PTPN11: variants seen among roughly 807,000 people sequenced by gnomAD.
The protein encoded by PTPN11 is tyrosine-protein phosphatase non-receptor type 11.
A neutral mutation model predicts 78.8 loss-of-function variants in PTPN11; 6 were observed. The observed-to-expected ratio is 0.08, with a 90% CI of 0.04 to 0.15. The LOEUF is 0.15. Among genes scored for constraint, PTPN11 ranks in the 10% least tolerant of loss-of-function variants. The probability of loss-of-function intolerance (pLI) is 1.00; values close to 1 mark genes in which losing one functional copy is unlikely to be tolerated. For missense variants in PTPN11, 386 were observed against 744.8 expected (o/e 0.52, Z 5.61); for synonymous variants, 221 against 263.5 (o/e 0.84, Z 1.56).
chr12:112,487,115 T>TTC (rs371088967), intron 11 of PTPN11, among the ~76,000 whole-genome samples: 107 of 150,692 alleles, frequency 7.1e-4, no homozygotes, highest in South Asian at 2.3e-3. Flanking sequence ...TGTGATTCTG[T>TTC]TCTCTCTCTC....
chr12:112,478,860 G>A (rs2038551705), intron 9 of PTPN11, among the ~76,000 whole-genome samples: 1 of 152,156 alleles, frequency 6.6e-6, no homozygotes, highest in Non-Finnish European at 1.5e-5. Flanking sequence ...AGCCTCCCAA[G>A]TAGCTGGGAC....
intron 6 of PTPN11, among the ~76,000 whole-genome samples, chr12:112,468,609 C>T (rs1045240165): frequency 3.3e-5 from 5 of 152,158 alleles, no homozygotes; most frequent in African/African-American, 4.8e-5. Context: ...CAATCTGTGA[C>T]AACTGTCAGC....
intron 6 of PTPN11, among the ~76,000 whole-genome samples, chr12:112,456,967 T>C (rs2038171533): frequency 1.3e-5 from 2 of 152,144 alleles, no homozygotes. Context: ...AGTTCTGGGA[T>C]ATATGTGCAG....
intron 1 of PTPN11, among the ~76,000 whole-genome samples, chr12:112,427,801 G>A (rs1043836106): frequency 6.6e-6 from 1 of 151,736 alleles, no homozygotes; most frequent in Non-Finnish European, 1.5e-5. Context: ...ACCCACACTG[G>A]ATTGCAGTGA....
In PTPN11 at chr12:112,506,925, T is replaced by G. The variant is rs1354947874; in HGVS notation, c.*1133T>G. 1.4e-5 allele frequency: 3 copies of G among 215,284 alleles called. No homozygotes were observed. Among genetic ancestry groups the G allele is most frequent in the African/African-American group, 7.0e-5 (3 of 42,856 alleles). The allele number at this position is 215,284 out of a possible 1,614,324, so 13.3% of individuals were successfully genotyped here. On this transcript the variant is annotated 3_prime_UTR_variant, in exon 16 of 16. Transcript: ENST00000351677. ...AAACTTAAGTCCAGAATTGTCACAG[T>G]GTCCCTTCTACTTCCCTCTATTGAT...
intron 2 of PTPN11, among the ~76,000 whole-genome samples, chr12:112,447,502 C>T (rs1026040370): frequency 6.6e-6 from 1 of 151,548 alleles, no homozygotes; most frequent in Middle Eastern, 3.2e-3. Context: ...TGATAACGAT[C>T]TATTTTTTTT....
At chr12:112,444,754 G>A (rs2037964394) in intron 1 of PTPN11, among the ~76,000 whole-genome samples, 1 of 152,096 alleles carries the variant, frequency 6.6e-6, no homozygotes, top group African/African-American at 2.4e-5. Flanking sequence ...TGTTTATTTT[G>A]AGGTACAAAT....
intron 1 of PTPN11, among the ~76,000 whole-genome samples, chr12:112,433,715 C>T (rs2037748237): frequency 6.6e-6 from 1 of 152,152 alleles, no homozygotes; most frequent in African/African-American, 2.4e-5. Flanking sequence ...CTTTGGGTGG[C>T]CAAAGAAGGA....
chr12:112,419,455 G>A (rs1436833691), intron 1 of PTPN11, among the ~76,000 whole-genome samples: 2 of 152,214 alleles, frequency 1.3e-5, no homozygotes, highest in Non-Finnish European at 2.9e-5. Flanking sequence ...CTGACCCATT[G>A]CCTCATGAGA....
rs1464685548 is a variant in PTPN11 at position 112,509,005 on chromosome 12, T to C, written c.*3213T>C. 6.6e-6 allele frequency: 1 copy of C among 152,210 alleles called. No individual in the cohort carries two copies. The highest frequency in any genetic ancestry group is 1.5e-5 in the Non-Finnish European group (1 of 68,042). The allele number at this position is 152,210 out of a possible 1,614,324, so 9.4% of individuals were successfully genotyped here. A position where few individuals can be genotyped will look rare whatever the true frequency, so the allele number is the denominator to read the frequency against. ...CAGGGGGATGTGGAAAGGTTTGCAA[T>C]TGTCAAGTGTTTTGTTGTAGCTTAG... On this transcript the variant is annotated 3_prime_UTR_variant, in exon 16 of 16. Transcript: ENST00000351677.
chr12:112,482,317 G>C lies in PTPN11; in HGVS notation c.1224+112G>C. Reference sequence around the variant, plus strand: ...ACATGCATGCATTCGCTCACTCATTGATTCAGTAGCCATTTATTAGCTTCC... The same window carrying C: ...ACATGCATGCATTCGCTCACTCATTCATTCAGTAGCCATTTATTAGCTTCC... On this transcript the variant is annotated intron_variant, in intron 10 of 15. Transcript: ENST00000351677. This position sits in a 1 kb window ranked among gnomAD's most constrained non-coding sequence, Gnocchi z 4.4. The C allele has an allele frequency of 8.0e-7, 1 of 1,256,972 alleles. No individual in the cohort carries two copies. Among genetic ancestry groups the C allele is most frequent in the Non-Finnish European group, 1.2e-6 (1 of 866,674 alleles). 77.9% of individuals were successfully genotyped at this position (1,256,972 alleles called of 1,614,324 possible). A position where few individuals can be genotyped will look rare whatever the true frequency, so the allele number is the denominator to read the frequency against.
At position 112,501,539 on chromosome 12, in the gene PTPN11, C is replaced by T. The variant is rs12319427; in HGVS notation, c.1600-605C>T. ...ACTCAGGAGGCTGAGGCATGAAAAT[C>T]GCTTGAACCCCAGAGGCGGGGGTTG... is the stretch of plus-strand genomic sequence containing the variant. On this transcript the variant is annotated intron_variant, in intron 13 of 15. Coordinates refer to ENST00000351677, the MANE Select transcript of PTPN11 (RefSeq NM_002834.5). Among the ~76,000 whole-genome samples, 948 of 152,258 alleles carry T rather than the reference C, an allele frequency of 6.2e-3. 11 individuals carry two copies. Among genetic ancestry groups the T allele is most frequent in the African/African-American group, 0.022 (894 of 41,528 alleles).
intron 11 of PTPN11, chr12:112,487,004 T>A: frequency 1.0e-6 from 1 of 972,952 alleles, no homozygotes; most frequent in South Asian, 2.6e-5. Context: ...GGTGGGGGTG[T>A]GGTGGAAATA....
chr12:112,460,732 C>T (rs1405915979), intron 6 of PTPN11, among the ~76,000 whole-genome samples: 1 of 152,150 alleles, frequency 6.6e-6, no homozygotes, highest in African/African-American at 2.4e-5. Context: ...GTCCCAGCTA[C>T]TCGGGAGGCT....
At chr12:112,485,937 C>T (rs528430733) in intron 10 of PTPN11, among the ~76,000 whole-genome samples, 64 of 150,232 alleles carry the variant, frequency 4.3e-4, no homozygotes, top group Non-Finnish European at 7.7e-4. Flanking sequence ...GCCAAGATCA[C>T]GCCACTGCAC....
chr12:112,506,946 TTGATGA>T lies in PTPN11; in HGVS notation c.*1196_*1201del, dbSNP rs80269561. The T allele has an allele frequency of 0.028, 5,993 of 216,568 alleles. 256 individuals carry two copies. Among genetic ancestry groups the T allele is most frequent in the African/African-American group, 0.11 (4,527 of 41,296 alleles). 13.4% of individuals were successfully genotyped at this position (216,568 alleles called of 1,614,324 possible). The stretch of plus-strand genomic sequence containing the variant: ...ACAGTGTCCCTTCTACTTCCCTCTA[TTGATGA>T]TGATGATGATGATGATGATGATGAT... On this transcript the variant is annotated 3_prime_UTR_variant, in exon 16 of 16. Coordinates refer to ENST00000351677, the MANE Select transcript of PTPN11 (RefSeq NM_002834.5).
rs1283049536 is a variant in PTPN11 at position 112,477,674 on chromosome 12, C to T, written c.877C>T (p.His293Tyr). Residue 293 changes from histidine (H) to tyrosine (Y), a missense_variant, in exon 8 of 16, where the codon CAC (histidine) becomes TAC (tyrosine). This residue lies in a region of PTPN11 where 279 missense variants were observed against 503.3 expected (regional missense o/e 0.55). Coordinates refer to ENST00000351677, the MANE Select transcript of PTPN11 (RefSeq NM_002834.5). ...LPFDHTRVVL[H>Y]DGDPNEPVSD... ...AGTTGATCATACCAGGGTTGTCCTA[C>T]ACGATGGTGATCCCAATGAGCCTGT... 1.2e-6 allele frequency: 2 copies of T among 1,612,742 alleles called. No homozygotes were observed. The highest frequency in any genetic ancestry group is 3.3e-5 in the Admixed American group (2 of 59,994).
chr12:112,429,317 G>C (rs2037674077), intron 1 of PTPN11, among the ~76,000 whole-genome samples: 1 of 152,000 alleles, frequency 6.6e-6, no homozygotes, highest in South Asian at 2.1e-4. Context: ...ATTCTCATCT[G>C]TTTGTTCTTA....
intron 6 of PTPN11, among the ~76,000 whole-genome samples, chr12:112,464,639 G>C (rs575615611): frequency 6.6e-6 from 1 of 152,262 alleles, no homozygotes; most frequent in Non-Finnish European, 1.5e-5. Context: ...TGGCCAGGCT[G>C]ATCTCAAACT....
Sources: allele counts gnomAD v4.1 joint callset (sites outside exome capture counted in the v4.1 genomes callset), GRCh38; gene constraint gnomAD v4.1.1; regional missense constraint gnomAD v4.1.1; non-coding constraint Gnocchi (gnomAD v3.1); transcripts MANE v1.5; gene names NCBI Gene and HGNC (gene_info 2026-07-23, HGNC 2026-07-21).